GPC3: variants seen among roughly 807,000 people sequenced by gnomAD.
GPC3 encodes the protein glypican-3.
A neutral mutation model predicts 34.4 loss-of-function variants in GPC3; 3 were observed. The observed-to-expected ratio is 0.09, with a 90% confidence interval of 0.04 to 0.23. The LOEUF (loss-of-function observed/expected upper bound fraction) is 0.23, where lower values mean the gene tolerates loss of function less well. Among genes scored for constraint, GPC3 ranks in the 10% least tolerant of loss-of-function variants. The pLI is 1.00. For missense variants in GPC3, 351 were observed against 445.6 expected, an observed-to-expected ratio of 0.79 and a Z score of 1.91; for synonymous variants, 177 against 174.0, an observed-to-expected ratio of 1.02 and a Z score of -0.13.
chrX:133,809,532 A>G (rs1312353568), intron 2 of GPC3, among the ~76,000 whole-genome samples: 2 of 111,164 alleles, frequency 1.8e-5, no homozygotes, highest in Non-Finnish European at 1.9e-5. Flanking sequence ...TTGTAATCCA[A>G]TTTCCAGTCT....
At chrX:133,740,333 T>G (rs1434200455) in intron 3 of GPC3, among the ~76,000 whole-genome samples, 1 of 112,398 alleles carries the variant, frequency 8.9e-6, no homozygotes, top group East Asian at 2.8e-4. Flanking sequence ...GATCTGGGAA[T>G]TGTTAACATC....
chrX:133,645,864 G>C (rs1423897231), intron 6 of GPC3, among the ~76,000 whole-genome samples: 1 of 110,810 alleles, frequency 9.0e-6, no homozygotes, highest in Non-Finnish European at 1.9e-5. Context: ...AAAAAAAAGT[G>C]AGGAATTGTG....
chrX:133,950,744 G>C (rs1877143439), intron 2 of GPC3, among the ~76,000 whole-genome samples: 1 of 111,724 alleles, frequency 9.0e-6, no homozygotes. Flanking sequence ...TCTTGTAGTG[G>C]TCCCCAGTTT....
chrX:133,711,878 C>G (rs767477889), intron 3 of GPC3, among the ~76,000 whole-genome samples: 1 of 111,863 alleles, frequency 8.9e-6, no homozygotes, highest in South Asian at 3.7e-4. Context: ...AAACCATAAT[C>G]TTTGTAACCT....
intron 2 of GPC3, among the ~76,000 whole-genome samples, chrX:133,872,911 T>C (rs1412026709): frequency 8.9e-6 from 1 of 112,408 alleles, no homozygotes; most frequent in Non-Finnish European, 1.9e-5. Context: ...CCATCTCTTC[T>C]GAATGATGGC....
rs1371117388 is a variant in GPC3 at position 133,642,440 on chromosome X, C to T, written c.1413+19290G>A. On this transcript the variant is annotated intron_variant, in intron 6 of 7. Coordinates refer to ENST00000370818, the MANE Select transcript of GPC3 (RefSeq NM_004484.4). Reference sequence around the variant, plus strand: ...GGACAAACTAAAATCACTAGCTTCTCGAGTCTGAAAATATGACGACTGAAG... The same window carrying T: ...GGACAAACTAAAATCACTAGCTTCTTGAGTCTGAAAATATGACGACTGAAG... 6.3e-5 allele frequency among the ~76,000 whole-genome samples: 7 copies of T among 111,244 alleles called. No homozygotes were observed. In the East Asian group the frequency reaches 1.7e-3, roughly 27 times the overall value.
chrX:133,829,912 A>G (rs1294824824), intron 2 of GPC3, among the ~76,000 whole-genome samples: 1 of 111,969 alleles, frequency 8.9e-6, no homozygotes, highest in African/African-American at 3.2e-5. Flanking sequence ...TACAGACTTT[A>G]CATAGTAAAG....
chrX:133,901,784 G>A (rs1442757506), intron 2 of GPC3, among the ~76,000 whole-genome samples: 1 of 112,209 alleles, frequency 8.9e-6, no homozygotes, highest in Non-Finnish European at 1.9e-5. Context: ...GAAGAGGGGG[G>A]AAAAGGTAAT....
chrX:133,540,888 G>A (rs1473389821), intron 7 of GPC3, among the ~76,000 whole-genome samples: 1 of 106,166 alleles, frequency 9.4e-6, no homozygotes, highest in East Asian at 3.0e-4. Context: ...TCCATGGTAG[G>A]AGGAGCCACA....
chrX:133,931,289 G>A lies in GPC3; in HGVS notation c.337+21761C>T, dbSNP rs142397218. The stretch of plus-strand genomic sequence containing the variant: ...ACAAAGGAGGGTAACCTAATCCAGT[G>A]GAGGGGGTAGTCAGGGAAGGTGTCC... On this transcript the variant is annotated intron_variant, in intron 2 of 7. Coordinates refer to ENST00000370818, the MANE Select transcript of GPC3 (RefSeq NM_004484.4). Among the ~76,000 whole-genome samples the A allele has an allele frequency of 2.1e-4, 23 of 112,014 alleles. No homozygotes were observed. The East Asian group carries it at 5.9e-3, about 29-fold the overall frequency.
chrX:133,675,113 C>T (rs1250616620), intron 5 of GPC3, among the ~76,000 whole-genome samples: 1 of 112,134 alleles, frequency 8.9e-6, no homozygotes, highest in Admixed American at 9.5e-5. Flanking sequence ...TCTGGCTGAA[C>T]TGTGGTTAAT....
At chrX:133,806,779 G>A (rs61539860) in intron 2 of GPC3, among the ~76,000 whole-genome samples, 1,660 of 109,762 alleles carry the variant, frequency 0.015, 26 homozygotes, top group African/African-American at 0.052. Flanking sequence ...CTCCCGAGTA[G>A]CTGGGACTAC....
intron 3 of GPC3, among the ~76,000 whole-genome samples, chrX:133,713,873 T>C (rs1440545128): frequency 8.9e-6 from 1 of 111,913 alleles, no homozygotes; most frequent in Non-Finnish European, 1.9e-5. Flanking sequence ...GTGACACTAA[T>C]GAATATGAGT....
intron 2 of GPC3, among the ~76,000 whole-genome samples, chrX:133,814,718 C>A (rs1488282304): frequency 1.4e-4 from 15 of 110,389 alleles, no homozygotes; most frequent in Non-Finnish European, 2.5e-4. Flanking sequence ...CAGGCATACA[C>A]CACCACGCCC....
At chrX:133,930,517 T>C (rs1448962572) in intron 2 of GPC3, among the ~76,000 whole-genome samples, 1 of 113,051 alleles carries the variant, frequency 8.8e-6, no homozygotes, top group African/African-American at 3.2e-5. Flanking sequence ...TTTAGTTTAA[T>C]GTAAGTGTGG....
intron 2 of GPC3, among the ~76,000 whole-genome samples, chrX:133,872,676 T>C (rs1237332768): frequency 2.7e-5 from 3 of 112,253 alleles, no homozygotes; most frequent in South Asian, 3.7e-4. Context: ...TCACAATTAC[T>C]TAGACTGAAC....
chrX:133,880,976 T>C (rs1261111863), intron 2 of GPC3, among the ~76,000 whole-genome samples: 2 of 112,161 alleles, frequency 1.8e-5, no homozygotes, highest in Admixed American at 9.5e-5. Flanking sequence ...AAGTTACTTG[T>C]TTACAGCAAG....
chrX:133,629,127 T>G (rs1188705525), intron 6 of GPC3, among the ~76,000 whole-genome samples: 1 of 112,237 alleles, frequency 8.9e-6, no homozygotes. Flanking sequence ...AAAACCGTTA[T>G]TATTTGCTTG....
intron 3 of GPC3, among the ~76,000 whole-genome samples, chrX:133,728,732 G>A (rs1361717390): frequency 2.7e-5 from 3 of 112,279 alleles, no homozygotes; most frequent in Non-Finnish European, 5.6e-5. Flanking sequence ...CTAGCAATTA[G>A]CTATTTGTAT....
Sources: gnomAD v4.1 joint callset for allele counts (sites outside exome capture counted in the v4.1 genomes callset) on GRCh38, gnomAD v4.1.1 for gene constraint, MANE v1.5 for transcripts, NCBI Gene and HGNC (gene_info 2026-07-23, HGNC 2026-07-21) for gene names.